Variants in ACADSB observed in about 807,000 individuals in gnomAD.
ACADSB encodes the protein acyl-CoA dehydrogenase short/branched chain, also known as short/branched chain specific acyl-CoA dehydrogenase, mitochondrial.
Under a neutral mutation model 54.1 loss-of-function variants are expected in ACADSB, and 40 were observed. That is an observed-to-expected ratio of 0.74 (90% CI 0.57 to 0.96). The LOEUF is 0.96. Among genes scored for constraint, ACADSB ranks in the 40% least tolerant of loss-of-function variants. ACADSB has a pLI of 0.00. For synonymous variants in ACADSB, 182 were observed against 182.8 expected (o/e 1.00, Z 0.03); for missense variants, 530 against 510.4 (o/e 1.04, Z -0.37).
At chr10:123,009,262 G>A (rs2133446316) in intron 1 of ACADSB, among the ~76,000 whole-genome samples, 191 bp downstream of exon 1, 1 of 152,320 alleles carries the variant, frequency 6.6e-6, no homozygotes, top group East Asian at 1.9e-4. Flanking sequence ...GGAGGCAGCT[G>A]GTGGCAAGGG....
Position 123,050,105 on chromosome 10 carries a change from A to G in ACADSB, c.991-944A>G, listed in dbSNP as rs1346301511. Among the ~76,000 whole-genome samples the G allele has an allele frequency of 5.3e-5, 8 of 152,342 alleles. No homozygotes were observed. The East Asian group carries it at 1.5e-3, about 29-fold the overall frequency. On this transcript the variant is annotated intron_variant, in intron 8 of 10. Coordinates refer to ENST00000358776, the MANE Select transcript of ACADSB (RefSeq NM_001609.4). The stretch of plus-strand genomic sequence containing the variant: ...TCACATATTTCAGAAAGAGAAAGAG[A>G]AGAATCTGTAGGGTATTAACAAACA...
chr10:123,043,805 T>C (rs1850511368), intron 6 of ACADSB, among the ~76,000 whole-genome samples: 1 of 152,196 alleles, frequency 6.6e-6, no homozygotes, highest in African/African-American at 2.4e-5. Context: ...TTCCCTGCTC[T>C]CTCCCCCAAC....
intron 1 of ACADSB, among the ~76,000 whole-genome samples, chr10:123,019,441 C>T (rs962091270): frequency 6.6e-5 from 10 of 152,282 alleles, no homozygotes; most frequent in East Asian, 1.9e-4. Flanking sequence ...ACAAGGATGA[C>T]GCCAGTCCAG....
chr10:123,048,728 A>T (rs951082674), intron 8 of ACADSB, among the ~76,000 whole-genome samples: 1 of 151,718 alleles, frequency 6.6e-6, no homozygotes, highest in African/African-American at 2.4e-5. Flanking sequence ...TTATTTATTT[A>T]TTTTTATTTA....
chr10:123,041,099 A>T (rs1047196999), intron 4 of ACADSB, 110 bp from the exon 5 acceptor site: 23 of 1,222,844 alleles, frequency 1.9e-5, no homozygotes, highest in African/African-American at 1.1e-4. Flanking sequence ...TAGGCTTTTT[A>T]AAAAAGCAGC....
chr10:123,043,804 C>G (rs1223245846), intron 6 of ACADSB, among the ~76,000 whole-genome samples: 1 of 152,172 alleles, frequency 6.6e-6, no homozygotes, highest in African/African-American at 2.4e-5. Context: ...CTTCCCTGCT[C>G]TCTCCCCCAA....
intron 1 of ACADSB, among the ~76,000 whole-genome samples, chr10:123,018,165 G>C (rs1850132856): frequency 6.6e-6 from 1 of 151,980 alleles, no homozygotes; most frequent in African/African-American, 2.4e-5. Context: ...TCTTATTTTT[G>C]GTTTACACAT....
chr10:123,047,800 A>T (rs1234012605), intron 8 of ACADSB, among the ~76,000 whole-genome samples: 2 of 152,260 alleles, frequency 1.3e-5, no homozygotes, highest in Non-Finnish European at 2.9e-5. Context: ...TGGGTCCCCT[A>T]TTCAGACCAG....
chr10:123,015,248 A>C (rs919090227), intron 1 of ACADSB, among the ~76,000 whole-genome samples: 6 of 152,226 alleles, frequency 3.9e-5, no homozygotes, highest in African/African-American at 1.4e-4. Context: ...GGTGCTAGGA[A>C]GACTAAGTAA....
At chr10:123,011,984 GGACC>G (rs1432549307) in intron 1 of ACADSB, among the ~76,000 whole-genome samples, 1 of 152,064 alleles carries the variant, frequency 6.6e-6, no homozygotes, top group Non-Finnish European at 1.5e-5. Flanking sequence ...CCGGGAGCTA[GGACC>G]ACAGGCATGT....
At chr10:123,041,943 A>G (rs1850480094) in intron 5 of ACADSB, among the ~76,000 whole-genome samples, 1 of 150,786 alleles carries the variant, frequency 6.6e-6, no homozygotes, top group Non-Finnish European at 1.5e-5. Context: ...TGGGTTATGT[A>G]GGAAGCTAAT....
chr10:123,028,114 T>A (rs972381045), intron 1 of ACADSB, among the ~76,000 whole-genome samples: 3 of 152,196 alleles, frequency 2.0e-5, no homozygotes, highest in Non-Finnish European at 4.4e-5. Context: ...CCATGACAAC[T>A]GAAAAACAAC....
At chr10:123,044,325 A>G in intron 6 of ACADSB, 68 bp from the exon 7 acceptor site, 2 of 1,379,486 alleles carry the variant, frequency 1.4e-6, no homozygotes, top group South Asian at 2.3e-5. Context: ...ATGTGTACTT[A>G]CAAATATATA....
intron 2 of ACADSB, among the ~76,000 whole-genome samples, 200 bp from the exon 3 acceptor site, chr10:123,037,547 G>A (rs775705235): frequency 1.1e-4 from 16 of 152,074 alleles, no homozygotes; most frequent in South Asian, 2.1e-4. Flanking sequence ...TTTATTTTGT[G>A]AGGTCATCAA....
chr10:123,041,709 G>A (rs1039585742), intron 5 of ACADSB, among the ~76,000 whole-genome samples: 3 of 152,158 alleles, frequency 2.0e-5, no homozygotes, highest in African/African-American at 4.8e-5. Context: ...TTGAATTCAC[G>A]TGAATAAAGT....
rs773170768 is a variant in ACADSB at position 123,053,081 on chromosome 10, T to C, written c.1149T>C (p.Ser383=). The change falls in exon 10 of 11, where the codon AGT becomes AGC. Residue 383 remains serine, a synonymous_variant. Coordinates refer to ENST00000358776, the MANE Select transcript of ACADSB (RefSeq NM_001609.4). ...GGTAGATTGCAGGACAAACAACGAG[T>C]AAATGTATCGAGTGGATGGGGGGAG... ...YASEIAGQTT[S]KCIEWMGGVG... is the part of the protein sequence containing the mutation. 7 of 1,613,830 alleles carry C rather than the reference T, an allele frequency of 4.3e-6. No individual in the cohort carries two copies. The highest frequency in any genetic ancestry group is 5.9e-6 in the Non-Finnish European group (7 of 1,179,932).
intron 1 of ACADSB, among the ~76,000 whole-genome samples, chr10:123,032,583 CTTTTTTTTTTT>C (rs889911796): frequency 3.9e-4 from 42 of 106,936 alleles, no homozygotes; most frequent in African/African-American, 1.4e-3. Context: ...AATTTCCATT[CTTTTTTTTTTT>C]TTTTTTTTTT....
chr10:123,013,448 A>C (rs1850066594), intron 1 of ACADSB, among the ~76,000 whole-genome samples: 1 of 152,246 alleles, frequency 6.6e-6, no homozygotes, highest in African/African-American at 2.4e-5. Flanking sequence ...CACCCAGTGG[A>C]TCTTGCACCA....
At chr10:123,020,213 C>T (rs1363944429) in intron 1 of ACADSB, among the ~76,000 whole-genome samples, 5 of 152,140 alleles carry the variant, frequency 3.3e-5, no homozygotes, top group African/African-American at 1.2e-4. Flanking sequence ...AAATAGGTCT[C>T]TTTGGGAAAG....
Sources: gnomAD v4.1 joint callset for allele counts (sites outside exome capture counted in the v4.1 genomes callset) on GRCh38, gnomAD v4.1.1 for gene constraint, MANE v1.5 for transcripts, NCBI Gene and HGNC (gene_info 2026-07-23, HGNC 2026-07-21) for gene names.